Variants in PDE4D observed in about 807,000 individuals in gnomAD.
The protein encoded by PDE4D is 3',5'-cyclic-AMP phosphodiesterase 4D.
A neutral mutation model predicts 87.4 loss-of-function variants in PDE4D; 24 were observed. The ratio of observed to expected loss-of-function variants is 0.27; its 90% CI spans 0.20 to 0.39. PDE4D has a LOEUF of 0.39. PDE4D is among the 10% of genes least tolerant of loss of function. The pLI, the probability that PDE4D is intolerant of heterozygous loss-of-function variation, is 1.00. For synonymous variants in PDE4D, 384 were observed against 383.2 expected, an observed-to-expected ratio of 1.00 and a Z score of -0.02; for missense variants, 714 against 1,041.0, an observed-to-expected ratio of 0.69 and a Z score of 4.32.
chr5:59,769,771 T>G (rs2152597776), intron 1 of PDE4D, among the ~76,000 whole-genome samples: 1 of 152,162 alleles, frequency 6.6e-6, no homozygotes, highest in South Asian at 2.1e-4. Context: ...AAATCACATC[T>G]CTAACGATCT....
intron 1 of PDE4D, among the ~76,000 whole-genome samples, chr5:60,484,763 A>C (rs1389598841): frequency 6.6e-6 from 1 of 152,166 alleles, no homozygotes; most frequent in Non-Finnish European, 1.5e-5. Flanking sequence ...ATTACTGGGA[A>C]TATGTTTTAG....
At chr5:60,006,930 C>A (rs1423691941) in intron 2 of PDE4D, among the ~76,000 whole-genome samples, 1 of 151,910 alleles carries the variant, frequency 6.6e-6, no homozygotes, top group Non-Finnish European at 1.5e-5. Context: ...GCATACAGCA[C>A]CTCAGGACTG....
intron 1 of PDE4D, among the ~76,000 whole-genome samples, chr5:60,406,437 T>C (rs909747545): frequency 2.0e-5 from 3 of 152,212 alleles, no homozygotes; most frequent in African/African-American, 7.2e-5. Flanking sequence ...CTCTTCTGTT[T>C]GAGATGCCAC....
intron 2 of PDE4D, among the ~76,000 whole-genome samples, chr5:59,198,879 T>C (rs1194232222): frequency 2.0e-5 from 3 of 152,142 alleles, no homozygotes; most frequent in East Asian, 3.8e-4. Context: ...TTGAGATCCA[T>C]ATATGGTTCA....
chr5:59,716,230 C>T (rs988632498), intron 1 of PDE4D, among the ~76,000 whole-genome samples: 1 of 152,218 alleles, frequency 6.6e-6, no homozygotes, highest in Non-Finnish European at 1.5e-5. Flanking sequence ...CCCATGTAAG[C>T]TTGTGCTTGG....
At chr5:59,794,442 C>T (rs745715828) in intron 1 of PDE4D, among the ~76,000 whole-genome samples, 25 of 152,184 alleles carry the variant, frequency 1.6e-4, no homozygotes, top group Admixed American at 3.3e-4. Flanking sequence ...GCACGACATC[C>T]CTGGTGCTTC....
At chr5:59,579,824 T>C (rs1373222076) in intron 1 of PDE4D, among the ~76,000 whole-genome samples, 1 of 152,168 alleles carries the variant, frequency 6.6e-6, no homozygotes, top group Non-Finnish European at 1.5e-5. Flanking sequence ...TGTGACACCT[T>C]TCCTAATATA....
At chr5:59,102,364 G>A (rs1429665948) in intron 5 of PDE4D, among the ~76,000 whole-genome samples, 1 of 152,064 alleles carries the variant, frequency 6.6e-6, no homozygotes, top group Non-Finnish European at 1.5e-5. Flanking sequence ...GGGGTTACAG[G>A]CATGAGCCAT....
chr5:59,893,914 C>G, upstream of PDE4D: 1 of 878,396 alleles, frequency 1.1e-6, no homozygotes, highest in Non-Finnish European at 1.5e-6. Context: ...CCCGGTTTCG[C>G]CAGAGGTTGG....
intron 1 of PDE4D, among the ~76,000 whole-genome samples, chr5:60,406,081 T>A (rs978375792): frequency 2.0e-5 from 3 of 151,910 alleles, no homozygotes; most frequent in Admixed American, 6.5e-5. Flanking sequence ...TCCATTCTCA[T>A]CATTGGAAAA....
chr5:59,740,915 C>T (rs1326422645), intron 1 of PDE4D, among the ~76,000 whole-genome samples: 4 of 152,174 alleles, frequency 2.6e-5, no homozygotes, highest in Admixed American at 1.3e-4. Context: ...TACATAACTG[C>T]TTCTTGCATT....
intron 5 of PDE4D, among the ~76,000 whole-genome samples, chr5:59,155,519 G>C (rs1780043976): frequency 6.6e-6 from 1 of 152,202 alleles, no homozygotes; most frequent in Admixed American, 6.5e-5. Flanking sequence ...ACTGAATAGG[G>C]ATGAGGAGGT....
intron 1 of PDE4D, among the ~76,000 whole-genome samples, chr5:59,569,229 A>C (rs933255375): frequency 6.6e-6 from 1 of 152,222 alleles, no homozygotes; most frequent in Non-Finnish European, 1.5e-5. Flanking sequence ...TTAGAAGACC[A>C]TAAATCACGC....
intron 1 of PDE4D, among the ~76,000 whole-genome samples, chr5:59,318,376 A>T (rs1774122529): frequency 6.6e-6 from 1 of 152,162 alleles, no homozygotes. Context: ...ACAAATCCCT[A>T]TTAAATGGAA....
chr5:60,287,095 TTTAA>T (rs1752489720), intron 1 of PDE4D, among the ~76,000 whole-genome samples: 2 of 152,220 alleles, frequency 1.3e-5, no homozygotes, highest in South Asian at 4.1e-4. Context: ...AAAAGCAAAA[TTTAA>T]TTATATTCCG....
Position 58,969,720 on chromosome 5 carries a change from T to C in PDE4D, c.*4944A>G, listed in dbSNP as rs939263048. The C allele has an allele frequency of 1.3e-5, 2 of 152,186 alleles. No individual in the cohort carries two copies. Among genetic ancestry groups the C allele is most frequent in the Non-Finnish European group, 2.9e-5 (2 of 68,038 alleles). The allele number at this position is 152,186 out of a possible 1,614,324, so 9.4% of individuals were successfully genotyped here. On this transcript the variant is annotated 3_prime_UTR_variant, in exon 15 of 15. Coordinates refer to ENST00000340635, the MANE Select transcript of PDE4D (RefSeq NM_001104631.2). ...CAAACACTGTGTCTCATTAACTTATTGTTGAGTCCTTAAAACTTTGTAGTT... is the reference window on the plus strand; with the variant it reads ...CAAACACTGTGTCTCATTAACTTATCGTTGAGTCCTTAAAACTTTGTAGTT...
At chr5:60,431,899 C>T (rs1379837050) in intron 1 of PDE4D, among the ~76,000 whole-genome samples, 3 of 152,336 alleles carry the variant, frequency 2.0e-5, no homozygotes, top group East Asian at 3.9e-4. Context: ...AGCGAAACCC[C>T]GTCTCCACCA....
chr5:59,347,801 A>G (rs967669344), intron 1 of PDE4D, among the ~76,000 whole-genome samples: 6 of 152,144 alleles, frequency 3.9e-5, no homozygotes, highest in African/African-American at 1.4e-4. Context: ...GAGACTGAAA[A>G]CAAGTCAGTA....
intron 1 of PDE4D, among the ~76,000 whole-genome samples, chr5:60,452,580 C>T (rs907100110): frequency 2.0e-5 from 3 of 152,056 alleles, no homozygotes; most frequent in Admixed American, 2.0e-4. Flanking sequence ...AAATTTGGTA[C>T]AAAAGATATG....
Sources: gnomAD v4.1 joint callset for allele counts (sites outside exome capture counted in the v4.1 genomes callset) on GRCh38, gnomAD v4.1.1 for gene constraint, MANE v1.5 for transcripts, NCBI Gene and HGNC (gene_info 2026-07-23, HGNC 2026-07-21) for gene names.